Variants in CTDP1 observed in about 807,000 individuals in gnomAD.
CTDP1 encodes the protein RNA polymerase II subunit A C-terminal domain phosphatase.
Under a neutral mutation model 91.8 loss-of-function variants are expected in CTDP1, and 47 were observed. That is an observed-to-expected ratio of 0.51 (90% CI 0.41 to 0.65). CTDP1 has a LOEUF of 0.65. Among genes scored for constraint, CTDP1 ranks in the 30% least tolerant of loss-of-function variants. The probability of loss-of-function intolerance (pLI) is 0.00; values close to 1 mark genes in which losing one functional copy is unlikely to be tolerated. For missense variants in CTDP1, 1,272 were observed against 1,373.7 expected, an observed-to-expected ratio of 0.93 and a Z score of 1.17; for synonymous variants, 656 against 598.5, an observed-to-expected ratio of 1.10 and a Z score of -1.40.
intron 12 of CTDP1, among the ~76,000 whole-genome samples, chr18:79,747,910 G>A (rs964963676): frequency 4.6e-5 from 7 of 152,178 alleles, no homozygotes; most frequent in South Asian, 2.1e-4. Context: ...ATATCTTTCC[G>A]GTGCCAAATC....
chr18:79,686,004 G>A lies in CTDP1; in HGVS notation c.314+5743G>A, dbSNP rs139671839. Among the ~76,000 whole-genome samples the A allele has an allele frequency of 5.3e-4, 81 of 152,282 alleles. 1 individual carries two copies. Among genetic ancestry groups the A allele is most frequent in the Middle Eastern group, 3.4e-3 (1 of 294 alleles). On this transcript the variant is annotated intron_variant, in intron 1 of 12. Coordinates refer to ENST00000613122, the MANE Select transcript of CTDP1 (RefSeq NM_004715.5). Reference sequence around the variant, plus strand: ...CTGTCACTTTGTCAGCCCATTAAACGTGGGTAAGTTGCACTTCAAACGTTT... The same window carrying A: ...CTGTCACTTTGTCAGCCCATTAAACATGGGTAAGTTGCACTTCAAACGTTT...
At chr18:79,681,486 T>C (rs1037315986) in intron 1 of CTDP1, 1 of 985,284 alleles carries the variant, frequency 1.0e-6, no homozygotes, top group Non-Finnish European at 1.2e-6. Flanking sequence ...GTTCCTCTGA[T>C]TGTACAGAAA....
At chr18:79,679,616 T>G, upstream of CTDP1, 1 of 481,286 alleles carries the variant, frequency 2.1e-6, no homozygotes, top group Non-Finnish European at 4.1e-6. Context: ...CCGCGTTGCA[T>G]GCCGCTGCTC....
rs1019369728 is a variant in CTDP1 at position 79,681,589 on chromosome 18, C to T, written c.314+1328C>T. On this transcript the variant is annotated intron_variant, in intron 1 of 12. Coordinates refer to ENST00000613122, the MANE Select transcript of CTDP1 (RefSeq NM_004715.5). ...CAGTCAGTCTAGTGAATAAAACCAA[C>T]CCAGTGCATCAGTCAGTCAGCCAGC... The T allele has an allele frequency of 4.8e-6, 3 of 631,222 alleles. No individual in the cohort carries two copies. In the African/African-American group the frequency reaches 6.0e-5, roughly 13 times the overall value. 39.1% of individuals were successfully genotyped at this position (631,222 alleles called of 1,614,324 possible).
chr18:79,680,554 C>T (rs1255982259), intron 1 of CTDP1, among the ~76,000 whole-genome samples: 12 of 152,252 alleles, frequency 7.9e-5, no homozygotes, highest in Non-Finnish European at 1.3e-4. Context: ...CCGCCCCTTC[C>T]TTTAGCTCCA....
Position 79,680,253 on chromosome 18 carries a change from C to T in CTDP1, c.306C>T (p.Val102=), listed in dbSNP as rs2085331788. 1 of 1,298,738 alleles carries T rather than the reference C, an allele frequency of 7.7e-7. No individual in the cohort carries two copies. Among genetic ancestry groups the T allele is most frequent in the East Asian group, 3.1e-5 (1 of 31,962 alleles). 80.5% of individuals were successfully genotyped at this position (1,298,738 alleles called of 1,614,324 possible). ...RELCAQPGQV[V]APGAVLVRLE... Reference sequence around the variant, plus strand: ...TGTGCGCGCAGCCGGGCCAGGTGGTCGCCCCAGGGTGAGTGTGCTGAGCCG... The same window carrying T: ...TGTGCGCGCAGCCGGGCCAGGTGGTTGCCCCAGGGTGAGTGTGCTGAGCCG... The change falls in exon 1 of 13, where the codon GTC becomes GTT. Residue 102 remains valine, a synonymous_variant. Coordinates refer to ENST00000613122, the MANE Select transcript of CTDP1 (RefSeq NM_004715.5).
At chr18:79,701,370 T>C (rs1014367504) in intron 4 of CTDP1, among the ~76,000 whole-genome samples, 37 of 151,228 alleles carry the variant, frequency 2.4e-4, no homozygotes, top group African/African-American at 7.1e-4. Context: ...ATTAGCCGGG[T>C]GTGGTGGCGG....
rs2086159119 is a variant in CTDP1 at position 79,714,645 on chromosome 18, A to C, written c.1185A>C (p.Ser395=). ...NGSEAATPRD[S]PRPGKPDERD... is the part of the protein sequence containing the mutation. ...GCGAGGCCGCCACCCCGCGGGACTCACCCCGCCCCGGGAAGCCAGACGAGA... is the reference window on the plus strand; with the variant it reads ...GCGAGGCCGCCACCCCGCGGGACTCCCCCCGCCCCGGGAAGCCAGACGAGA... Residue 395 remains serine (S), a synonymous_variant, in exon 8 of 13, where the codon TCA becomes TCC. Transcript: ENST00000613122. The C allele has an allele frequency of 3.1e-6, 5 of 1,610,834 alleles. No homozygotes were observed. Among genetic ancestry groups the C allele is most frequent in the Admixed American group, 3.3e-5 (2 of 59,804 alleles).
chr18:79,681,496 A>G (rs1415908561), intron 1 of CTDP1: 5 of 985,386 alleles, frequency 5.1e-6, no homozygotes, highest in Non-Finnish European at 6.0e-6. Flanking sequence ...TTGTACAGAA[A>G]GGGCTGCTTT....
At chr18:79,720,631 C>T (rs1005519279) in intron 10 of CTDP1, among the ~76,000 whole-genome samples, 1 of 152,250 alleles carries the variant, frequency 6.6e-6, no homozygotes, top group African/African-American at 2.4e-5. Context: ...GTTAAGGCAT[C>T]CTCGTGGTGA....
upstream of CTDP1, chr18:79,677,845 T>C (rs552569): frequency 0.2 from 30,626 of 152,056 alleles, 3,304 homozygotes; most frequent in Middle Eastern, 0.3. Flanking sequence ...CACCATCCAG[T>C]GGTCTGTAAA....
At chr18:79,688,337 T>C (rs998285619) in intron 1 of CTDP1, among the ~76,000 whole-genome samples, 5 of 152,254 alleles carry the variant, frequency 3.3e-5, no homozygotes, top group Non-Finnish European at 7.3e-5. Flanking sequence ...CAATCTCAGT[T>C]CACTGCAACC....
At chr18:79,735,903 A>G (rs1489143990) in intron 11 of CTDP1, 1 of 202,594 alleles carries the variant, frequency 4.9e-6, no homozygotes, top group Non-Finnish European at 1.0e-5. Context: ...TCCCTGTGGC[A>G]CGGCCACGTC....
intron 12 of CTDP1, among the ~76,000 whole-genome samples, chr18:79,742,828 C>T (rs1222903348): frequency 6.6e-6 from 1 of 152,074 alleles, no homozygotes; most frequent in Admixed American, 6.5e-5. Context: ...CATGGTGGTG[C>T]ACGCCTGTAA....
intron 1 of CTDP1, among the ~76,000 whole-genome samples, chr18:79,683,591 G>T (rs2085420741): frequency 2.0e-5 from 3 of 152,246 alleles, no homozygotes. Context: ...CAGAAACTCA[G>T]GTGTCAGAAA....
chr18:79,736,284 C>A, intron 11 of CTDP1, 71 bp from the exon 12 acceptor site: 1 of 1,542,836 alleles, frequency 6.5e-7, no homozygotes, highest in Non-Finnish European at 8.8e-7. Context: ...TGGACTCTGC[C>A]GGGAGAAGCC....
intron 5 of CTDP1, among the ~76,000 whole-genome samples, chr18:79,707,675 C>T (rs1466349608): frequency 6.6e-6 from 1 of 152,192 alleles, no homozygotes; most frequent in Non-Finnish European, 1.5e-5. Context: ...CATGGGCCCT[C>T]GAGCCCAGCA....
downstream of CTDP1, chr18:79,756,539 C>G (rs962766059): frequency 1.3e-5 from 2 of 152,114 alleles, no homozygotes; most frequent in Non-Finnish European, 1.5e-5. Flanking sequence ...CTGTGCTATG[C>G]GAAGAAACCA....
At chr18:79,701,376 G>A (rs1045831875) in intron 4 of CTDP1, among the ~76,000 whole-genome samples, 34 of 151,948 alleles carry the variant, frequency 2.2e-4, no homozygotes, top group African/African-American at 7.0e-4. Flanking sequence ...CGGGTGTGGT[G>A]GCGGGTGCCT....
Sources: gnomAD v4.1 joint callset for allele counts (sites outside exome capture counted in the v4.1 genomes callset) on GRCh38, gnomAD v4.1.1 for gene constraint, MANE v1.5 for transcripts, NCBI Gene and HGNC (gene_info 2026-07-23, HGNC 2026-07-21) for gene names.